Variants in IRF7 observed in about 807,000 individuals in gnomAD.
IRF7 encodes interferon regulatory factor 7, also known as interferon regulatory factor-7H.
Under a neutral mutation model 51.3 loss-of-function variants are expected in IRF7, and 67 were observed. The observed-to-expected ratio is 1.31, with a 90% confidence interval of 1.07 to 1.60. The LOEUF (loss-of-function observed/expected upper bound fraction) is 1.60, where lower values mean the gene tolerates loss of function less well. IRF7 is among the 40% of genes most tolerant of loss of function. The pLI is 0.00. For synonymous variants in IRF7, 427 were observed against 301.3 expected, an observed-to-expected ratio of 1.42 and a Z score of -4.32; for missense variants, 873 against 701.5, an observed-to-expected ratio of 1.24 and a Z score of -2.76.
rs369330126 is a variant in IRF7 at position 613,951 on chromosome 11, C to T, written c.766G>A (p.Gly256Ser). 6.8e-6 allele frequency: 11 copies of T among 1,606,582 alleles called. No homozygotes were observed. Among genetic ancestry groups the T allele is most frequent in the Non-Finnish European group, 9.3e-6 (11 of 1,178,026 alleles). Residue 256 changes from glycine (G) to serine (S), a missense_variant and splice_region_variant, in exon 7 of 11, where the codon GGC (glycine) becomes AGC (serine). By Grantham distance (56) the Gly-to-Ser change is moderately conservative. Coordinates refer to ENST00000525445, the MANE Select transcript of IRF7 (RefSeq NM_001572.5). ...GCCTCCCAACCCCTACCCCTCTCAC[C>T]TGTCGTTAGTGCCGCGGGCTGGGGC... ...PGPQPAALTT[G>S]EAAAPESPHQ...
Position 612,813 on chromosome 11 carries a change from A to C in IRF7, c.1357-13T>G. 6.3e-7 allele frequency: 1 copy of C among 1,598,106 alleles called. No homozygotes were observed. The highest frequency in any genetic ancestry group is 8.5e-7 in the Non-Finnish European group (1 of 1,173,610). Reference sequence around the variant, plus strand: ...GCCAGGGTTCCAGCTGCCAGGAGGGATCGGGCGTCTGTCAGTGACCCGGCG... The same window carrying C: ...GCCAGGGTTCCAGCTGCCAGGAGGGCTCGGGCGTCTGTCAGTGACCCGGCG... On this transcript the variant is annotated splice_polypyrimidine_tract_variant and intron_variant, in intron 10 of 10. Transcript: ENST00000525445.
chr11:615,043 C>T (rs1266610734), intron 3 of IRF7, 36 bp from the exon 4 acceptor site: 7 of 1,548,992 alleles, frequency 4.5e-6, no homozygotes, highest in South Asian at 2.4e-5. Flanking sequence ...GCCGGGCCCG[C>T]GGGGTCCTAG....
Position 614,499 on chromosome 11 carries a change from G to A in IRF7, c.430C>T (p.Pro144Ser). Reference sequence around the variant, plus strand: ...ACCTGTGGTGGTGGGACAGCTGCGGGGGCCTCTGCCTCAGTCTGGTCCGTG... The same window carrying A: ...ACCTGTGGTGGTGGGACAGCTGCGGAGGCCTCTGCCTCAGTCTGGTCCGTG... The part of the protein sequence containing the change: ...PGTDQTEAEA[P>S]AAVPPPQGGP... The change falls in exon 5 of 11, where the codon CCC becomes TCC. Residue 144 changes from proline (P) to serine (S), a missense_variant. Pro to Ser is a moderately conservative substitution (Grantham distance 74, BLOSUM62 -1). Coordinates refer to ENST00000525445, the MANE Select transcript of IRF7 (RefSeq NM_001572.5). 1.3e-6 allele frequency: 2 copies of A among 1,561,252 alleles called. No homozygotes were observed. Among genetic ancestry groups the A allele is most frequent in the Non-Finnish European group, 1.7e-6 (2 of 1,152,424 alleles).
rs1227678222 is a variant in IRF7 at position 613,450 on chromosome 11, G to T, written c.993C>A (p.Phe331Leu). 2.6e-6 allele frequency: 4 copies of T among 1,553,360 alleles called. No homozygotes were observed. Among genetic ancestry groups the T allele is most frequent in the African/African-American group, 2.7e-5 (2 of 73,234 alleles). Residue 331 changes from phenylalanine (F) to leucine (L), a missense_variant, in exon 9 of 11, where the codon TTC becomes TTA. Transcript: ENST00000525445. ...VRATDPQQVAFPSPAELPDQK... is the reference protein window; with the variant it reads ...VRATDPQQVALPSPAELPDQK... ...GGTCCGGGAGCTCGGCAGGGCTGGG[G>T]AATGCTACCTGCTGGGGGTCTGTGG...
chr11:613,659 GGGCGGGGACAGGATGTGAGT>G, intron 8 of IRF7, 64 bp from the exon 9 acceptor site: 1 of 848,340 alleles, frequency 1.2e-6, no homozygotes, highest in Non-Finnish European at 1.6e-6. Flanking sequence ...TGACGGGGGT[GGGCGGGGACAGGATGTGAGT>G]GACGGGGGTG....
In IRF7 at chr11:615,246, C is replaced by G. The variant is rs746593118; in HGVS notation, c.34G>C (p.Val12Leu). 7 of 1,584,264 alleles carry G rather than the reference C, an allele frequency of 4.4e-6. No homozygotes were observed. In the East Asian group the frequency reaches 1.6e-4, roughly 36 times the overall value. Residue 12 changes from valine (V) to leucine (L), a missense_variant, in exon 3 of 11, where the codon GTG becomes CTG. Coordinates refer to ENST00000525445, the MANE Select transcript of IRF7 (RefSeq NM_001572.5). ...ALAPERAAPR[V>L]LFGEWLLGEI... The stretch of plus-strand genomic sequence containing the variant: ...CCAAGGAGCCACTCTCCGAACAGCA[C>G]GCGTGGGGCTGCCCTGCGGGTGCCC...
In IRF7 at chr11:613,290, C is replaced by T. The variant is rs750448993; in HGVS notation, c.1153G>A (p.Gly385Ser). The change falls in exon 9 of 11, where the codon GGC (glycine) becomes AGC (serine). Residue 385 changes from glycine to serine, a missense_variant. Transcript: ENST00000525445. ...KVYWEVGGPP[G>S]SASPSTPACL... Reference sequence around the variant, plus strand: ...GCTGGGGTGGAGGGGCTGGCGGAGCCTGGGGGTCCGCCCACCTCCCAGTAC... The same window carrying T: ...GCTGGGGTGGAGGGGCTGGCGGAGCTTGGGGGTCCGCCCACCTCCCAGTAC... 2 of 1,609,760 alleles carry T rather than the reference C, an allele frequency of 1.2e-6. No homozygotes were observed. The highest frequency in any genetic ancestry group is 1.7e-6 in the Non-Finnish European group (2 of 1,178,552).
chr11:613,933 A>T lies in IRF7; in HGVS notation c.766+18T>A. The T allele has an allele frequency of 6.2e-7, 1 of 1,604,170 alleles. No individual in the cohort carries two copies. The highest frequency in any genetic ancestry group is 8.5e-7 in the Non-Finnish European group (1 of 1,176,774). On this transcript the variant is annotated intron_variant, in intron 7 of 10. Coordinates refer to ENST00000525445, the MANE Select transcript of IRF7 (RefSeq NM_001572.5). ...CCTCTCCCTGTGCCCCAGGCCTCCC[A>T]ACCCCTACCCCTCTCACCTGTCGTT...
intron 7 of IRF7, 24 bp from the exon 8 acceptor site, chr11:613,889 G>A (rs1247831752): frequency 1.9e-6 from 3 of 1,598,968 alleles, no homozygotes; most frequent in Admixed American, 1.7e-5. Context: ...GGAATCCTGT[G>A]CTGGCACCTC....
intron 8 of IRF7, 76 bp from the exon 9 acceptor site, chr11:613,671 G>C: frequency 7.2e-6 from 2 of 276,384 alleles, no homozygotes; most frequent in South Asian, 3.2e-5. Context: ...GCGGGGACAG[G>C]ATGTGAGTGA....
At chr11:615,749 G>C in intron 1 of IRF7, 102 bp from the exon 2 acceptor site, 1 of 265,366 alleles carries the variant, frequency 3.8e-6, no homozygotes, top group Non-Finnish European at 7.1e-6. Flanking sequence ...ACCCCGTCCG[G>C]TTCTCAGCTC....
rs1856766807 is a variant in IRF7 at position 615,174 on chromosome 11, C to T, written c.106G>A (p.Ala36Thr). The change falls in exon 3 of 11, where the codon GCC becomes ACC. Residue 36 changes from alanine to threonine, a missense_variant. Coordinates refer to ENST00000525445, the MANE Select transcript of IRF7 (RefSeq NM_001572.5). ...CYEGLQWLDEARTCFRVPWKH... is the reference protein window; with the variant it reads ...CYEGLQWLDETRTCFRVPWKH... ...CAGGGCACGCGGAAACAGGTGCGGG[C>T]CTCGTCCAGCCACTGCAGCCCCTCA... The T allele has an allele frequency of 6.2e-7, 1 of 1,603,682 alleles. No individual in the cohort carries two copies. Among genetic ancestry groups the T allele is most frequent in the Non-Finnish European group, 8.5e-7 (1 of 1,178,838 alleles).
intron 1 of IRF7, 75 bp from the exon 2 acceptor site, chr11:615,722 G>A (rs1856810700): frequency 6.1e-6 from 2 of 328,184 alleles, no homozygotes; most frequent in African/African-American, 2.1e-5. Context: ...GTGGCGCTTC[G>A]CACCCTCCTC....
chr11:615,401 T>TGTTA lies in IRF7; in HGVS notation c.-41_-38dup. On this transcript the variant is annotated 5_prime_UTR_variant, in exon 2 of 11. Coordinates refer to ENST00000525445, the MANE Select transcript of IRF7 (RefSeq NM_001572.5). ...CAGGGGCAGTTAGGTGGCGGTCAGG[T>TGTTA]GTTATAACAGGGGAGGTAAGGGCTC... is the stretch of plus-strand genomic sequence containing the variant. 6.8e-7 allele frequency: 1 copy of TGTTA among 1,479,816 alleles called. No individual in the cohort carries two copies. Among genetic ancestry groups the TGTTA allele is most frequent in the East Asian group, 2.3e-5 (1 of 42,626 alleles). The allele number at this position is 1,479,816 out of a possible 1,614,324, so 91.7% of individuals were successfully genotyped here. A position where few individuals can be genotyped will look rare whatever the true frequency, so the allele number is the denominator to read the frequency against.
At chr11:614,774 C>G in intron 4 of IRF7, 23 bp downstream of exon 4, 1 of 1,525,862 alleles carries the variant, frequency 6.6e-7, no homozygotes. Context: ...ATGCCAACGC[C>G]CTTGGCAGCC....
In IRF7 at chr11:615,084, CTGGGGT is replaced by C. The variant is rs1478388575; in HGVS notation, c.183+7_183+12del. On this transcript the variant is annotated splice_region_variant and intron_variant, in intron 3 of 10. Coordinates refer to ENST00000525445, the MANE Select transcript of IRF7 (RefSeq NM_001572.5). ...CTCTCCCACCCGGGGCGGGGCGGGGCTGGGGTCCCCACCTTGAAGATGCGCGCGTCG... is the reference window on the plus strand; with the variant it reads ...CTCTCCCACCCGGGGCGGGGCGGGGCCCCCACCTTGAAGATGCGCGCGTCG... 1 of 1,572,632 alleles carries C rather than the reference CTGGGGT, an allele frequency of 6.4e-7. No homozygotes were observed. Among genetic ancestry groups the C allele is most frequent in the African/African-American group, 1.3e-5 (1 of 74,156 alleles).
Position 614,438 on chromosome 11 carries a change from G to A in IRF7, c.453+38C>T, listed in dbSNP as rs769382251. ...TCAGGGTGAACGTAAGCAGCTCCGC[G>A]GCCTGGCAGGAGGAGAGGCAGGCAG... On this transcript the variant is annotated intron_variant, in intron 5 of 10. Coordinates refer to ENST00000525445, the MANE Select transcript of IRF7 (RefSeq NM_001572.5). The A allele has an allele frequency of 1.9e-5, 30 of 1,578,922 alleles. No individual in the cohort carries two copies. In the Admixed American group the frequency reaches 2.2e-4, roughly 12 times the overall value.
chr11:613,358 C>T lies in IRF7; in HGVS notation c.1085G>A (p.Arg362Gln), dbSNP rs760800493. Residue 362 changes from arginine (R) to glutamine (Q), a missense_variant, in exon 9 of 11, where the codon CGG becomes CAG. Arg to Gln is a conservative substitution (Grantham distance 43). Transcript: ENST00000525445. ...GCGCCGGGCCCACAGCTGTGGCCCC[C>T]GAAGCTCCAGGTGCAACCCAGGGGC... ...HVAPGLHLELRGPQLWARRMG... is the reference protein window; with the variant it reads ...HVAPGLHLELQGPQLWARRMG... The T allele has an allele frequency of 1.2e-5, 19 of 1,610,808 alleles. No homozygotes were observed. Among genetic ancestry groups the T allele is most frequent in the Non-Finnish European group, 1.4e-5 (17 of 1,179,264 alleles).
intron 1 of IRF7, 101 bp from the exon 2 acceptor site, chr11:615,748 G>A (rs965425044): frequency 1.5e-5 from 4 of 266,584 alleles, no homozygotes; most frequent in African/African-American, 6.6e-5. Flanking sequence ...CACCCCGTCC[G>A]GTTCTCAGCT....
Sources: allele counts gnomAD v4.1 joint callset, GRCh38; gene constraint gnomAD v4.1.1; transcripts MANE v1.5; gene names NCBI Gene and HGNC (gene_info 2026-07-23, HGNC 2026-07-21).